CCDC6: variants seen among roughly 807,000 people sequenced by gnomAD.
The protein encoded by CCDC6 is coiled-coil domain-containing protein 6.
Under a neutral mutation model 56.6 loss-of-function variants are expected in CCDC6, and 20 were observed. The observed-to-expected ratio is 0.35, with a 90% CI of 0.25 to 0.51. CCDC6 has a LOEUF of 0.51. Ranked by LOEUF, CCDC6 falls within the 20% of genes least tolerant of loss-of-function variation. The pLI, the probability that CCDC6 is intolerant of heterozygous loss-of-function variation, is 0.95. For missense variants in CCDC6, 367 were observed against 601.1 expected (o/e 0.61, Z 4.07); for synonymous variants, 241 against 234.4 (o/e 1.03, Z -0.26).
intron 3 of CCDC6, among the ~76,000 whole-genome samples, chr10:59,816,548 A>G (rs2070711075): frequency 6.6e-6 from 1 of 152,244 alleles, no homozygotes; most frequent in African/African-American, 2.4e-5. Context: ...AAATGTTGAG[A>G]AAATTACTAG....
At position 59,843,453 on chromosome 10, in the gene CCDC6, T is replaced by C. The variant is rs188797763; in HGVS notation, c.453+9100A>G. 3.3e-5 allele frequency among the ~76,000 whole-genome samples: 5 copies of C among 152,356 alleles called. No homozygotes were observed. The East Asian group carries it at 9.7e-4, about 29-fold the overall frequency. On this transcript the variant is annotated intron_variant, in intron 2 of 8. Coordinates refer to ENST00000263102, the MANE Select transcript of CCDC6 (RefSeq NM_005436.5). ...TTGAATGTCTACAAGAAAAGTGATA[T>C]GTTTCCAGTTTCCTGCCAAAGATTT... is the stretch of plus-strand genomic sequence containing the variant.
chr10:59,839,867 C>T (rs2070920945), intron 2 of CCDC6, among the ~76,000 whole-genome samples: 3 of 152,148 alleles, frequency 2.0e-5, no homozygotes, highest in Non-Finnish European at 2.9e-5. Context: ...CACTCTGTCG[C>T]CAGGCTGTAG....
In CCDC6 at chr10:59,857,887, T is replaced by C. The variant is rs1011217118; in HGVS notation, c.304-5185A>G. Among the ~76,000 whole-genome samples the C allele has an allele frequency of 3.3e-5, 5 of 152,276 alleles. No individual in the cohort carries two copies. The South Asian group carries it at 1.0e-3, about 32-fold the overall frequency. Reference sequence around the variant, plus strand: ...AGCATCTGAAACCACATTATTAGGATAGCAGGGACCACCCAACACACAGGC... The same window carrying C: ...AGCATCTGAAACCACATTATTAGGACAGCAGGGACCACCCAACACACAGGC... On this transcript the variant is annotated intron_variant, in intron 1 of 8. Transcript: ENST00000263102.
chr10:59,824,578 T>C (rs1343720162), intron 3 of CCDC6, among the ~76,000 whole-genome samples: 3 of 152,158 alleles, frequency 2.0e-5, no homozygotes, highest in Non-Finnish European at 2.9e-5. Context: ...ATGTCTCCAA[T>C]AGAGCTTATC....
chr10:59,893,950 G>A (rs1467483874), intron 1 of CCDC6, among the ~76,000 whole-genome samples: 3 of 152,120 alleles, frequency 2.0e-5, no homozygotes, highest in Admixed American at 2.0e-4. Flanking sequence ...GACTCCCTGT[G>A]CCTCATGTCT....
At chr10:59,856,786 C>T (rs955116938) in intron 1 of CCDC6, among the ~76,000 whole-genome samples, 1 of 152,156 alleles carries the variant, frequency 6.6e-6, no homozygotes, top group East Asian at 1.9e-4. Flanking sequence ...TATCTAAACA[C>T]ATCCCAATTC....
intron 1 of CCDC6, among the ~76,000 whole-genome samples, chr10:59,863,302 T>C (rs1240336825): frequency 6.6e-6 from 1 of 152,246 alleles, no homozygotes; most frequent in Non-Finnish European, 1.5e-5. Context: ...ACGTGTTATA[T>C]GGTCCACTTT....
intron 7 of CCDC6, among the ~76,000 whole-genome samples, chr10:59,801,675 T>A (rs2070577281): frequency 6.6e-6 from 1 of 152,230 alleles, no homozygotes; most frequent in Non-Finnish European, 1.5e-5. Context: ...AGGATCTGTG[T>A]CTTCTCCCTT....
At chr10:59,818,105 C>G (rs943714459) in intron 3 of CCDC6, among the ~76,000 whole-genome samples, 3 of 152,162 alleles carry the variant, frequency 2.0e-5, no homozygotes, top group Admixed American at 2.0e-4. Flanking sequence ...GGATTTAGGG[C>G]AAATCAAGCT....
At chr10:59,793,652 C>T (rs1285269527) in intron 8 of CCDC6, among the ~76,000 whole-genome samples, 5 of 151,974 alleles carry the variant, frequency 3.3e-5, no homozygotes, top group African/African-American at 4.8e-5. Context: ...GGTGTGGTGC[C>T]GTGTGCCTGT....
At chr10:59,857,212 C>G (rs1564749901) in intron 1 of CCDC6, among the ~76,000 whole-genome samples, 1 of 151,958 alleles carries the variant, frequency 6.6e-6, no homozygotes, top group Non-Finnish European at 1.5e-5. Context: ...TTTACCAAGT[C>G]CTGTGGGAAA....
At chr10:59,886,477 C>T (rs1039735110) in intron 1 of CCDC6, among the ~76,000 whole-genome samples, 11 of 152,142 alleles carry the variant, frequency 7.2e-5, no homozygotes, top group African/African-American at 1.9e-4. Context: ...TATCTGGCAT[C>T]GCTACTTCTA....
At chr10:59,805,430 T>C (rs1252603594) in intron 6 of CCDC6, 2 of 152,228 alleles carry the variant, frequency 1.3e-5, no homozygotes, top group Middle Eastern at 3.4e-3. Flanking sequence ...CTACAAAAGG[T>C]AGGGCAAACT....
rs146415303 is a variant in CCDC6, at chr10:59,795,108, G to A, written c.1106-511C>T. ...AAAAAAAAAAAGCAAAAACAAATACGTGGGACTACATTCAACTAAAAAGTG... is the reference window on the plus strand; with the variant it reads ...AAAAAAAAAAAGCAAAAACAAATACATGGGACTACATTCAACTAAAAAGTG... On this transcript the variant is annotated intron_variant, in intron 7 of 8. Transcript: ENST00000263102. 9.8e-4 allele frequency among the ~76,000 whole-genome samples: 149 copies of A among 151,612 alleles called. 2 individuals carry two copies. The highest frequency in any genetic ancestry group is 6.8e-3 in the Admixed American group (104 of 15,222).
rs374088503 is a variant in CCDC6, at chr10:59,852,536, T to G, written c.453+17A>C. 1.3e-6 allele frequency: 2 copies of G among 1,555,422 alleles called. No individual in the cohort carries two copies. The highest frequency in any genetic ancestry group is 8.6e-7 in the Non-Finnish European group (1 of 1,156,922). ...AAAATAGGCAGGGAAGATGAGGGAG[T>G]AGAAAAGATAATTTACCTGCATCAA... On this transcript the variant is annotated intron_variant, in intron 2 of 8. Transcript: ENST00000263102.
Position 59,804,569 on chromosome 10 carries a change from C to T in CCDC6, c.1005-49G>A, listed in dbSNP as rs200477145. 18 of 1,048,234 alleles carry T rather than the reference C, an allele frequency of 1.7e-5. No homozygotes were observed. In the East Asian group the frequency reaches 3.3e-4, roughly 19 times the overall value. 64.9% of individuals were successfully genotyped at this position (1,048,234 alleles called of 1,614,324 possible). ...ATAAAACCACCTGCATTTAAATAGG[C>T]CTTAGGAGAGTTTTTAAGAGAAAAT... On this transcript the variant is annotated intron_variant, in intron 6 of 8. Transcript: ENST00000263102.
At chr10:59,863,234 G>A (rs1012609605) in intron 1 of CCDC6, among the ~76,000 whole-genome samples, 16 of 152,160 alleles carry the variant, frequency 1.1e-4, no homozygotes, top group Non-Finnish European at 1.5e-5. Flanking sequence ...AATGGTATCA[G>A]TACCATTCTT....
chr10:59,797,683 T>TTGTGTG (rs72280811), intron 7 of CCDC6, among the ~76,000 whole-genome samples: 2,578 of 140,592 alleles, frequency 0.018, 77 homozygotes, highest in African/African-American at 0.058. Context: ...AGTGAGAGTG[T>TTGTGTG]TGTGTGTGTG....
rs1394806135 is a variant in CCDC6, at chr10:59,792,771, C to T, written c.*146G>A. 1 of 899,032 alleles carries T rather than the reference C, an allele frequency of 1.1e-6. No individual in the cohort carries two copies. The allele number at this position is 899,032 out of a possible 1,614,324, so 55.7% of individuals were successfully genotyped here. On this transcript the variant is annotated 3_prime_UTR_variant, in exon 9 of 9. Coordinates refer to ENST00000263102, the MANE Select transcript of CCDC6 (RefSeq NM_005436.5). ...CAACACTGGCTGCATTTCTGACAAA[C>T]ATTTACAACACAATGGATAGTGAAG...
Sources: gnomAD v4.1 joint callset for allele counts (sites outside exome capture counted in the v4.1 genomes callset) on GRCh38, gnomAD v4.1.1 for gene constraint, MANE v1.5 for transcripts, NCBI Gene and HGNC (gene_info 2026-07-23, HGNC 2026-07-21) for gene names.